The following RAB3C variants were observed in gnomAD, a reference collection of about 807,000 sequenced individuals.
RAB3C encodes the protein RAB3C, member RAS oncogene family.
RAB3C carries 17 observed loss-of-function variants against 26.4 expected under a neutral mutation model. The ratio of observed to expected loss-of-function variants is 0.64; its 90% CI spans 0.44 to 0.97. RAB3C has a LOEUF of 0.97. Ranked by LOEUF, RAB3C falls within the 50% of genes least tolerant of loss-of-function variation. The probability of loss-of-function intolerance (pLI) is 0.00; values close to 1 mark genes in which losing one functional copy is unlikely to be tolerated. For synonymous variants in RAB3C, 91 were observed against 95.9 expected (o/e 0.95, Z 0.30); for missense variants, 242 against 281.9 (o/e 0.86, Z 1.01).
At chr5:58,623,267 A>G (rs1746972939) in intron 2 of RAB3C, among the ~76,000 whole-genome samples, 1 of 152,248 alleles carries the variant, frequency 6.6e-6, no homozygotes, top group Admixed American at 6.5e-5. Context: ...GTCTAATGGC[A>G]TAAATACCTA....
At chr5:58,661,317 G>A (rs934181275) in intron 2 of RAB3C, among the ~76,000 whole-genome samples, 3 of 149,930 alleles carry the variant, frequency 2.0e-5, no homozygotes, top group East Asian at 1.9e-4. Context: ...ATCATGTGCC[G>A]ATATCTTTTT....
intron 2 of RAB3C, among the ~76,000 whole-genome samples, chr5:58,653,219 G>T (rs1358912376): frequency 6.6e-6 from 1 of 151,966 alleles, no homozygotes; most frequent in African/African-American, 2.4e-5. Flanking sequence ...GTGAGAACAT[G>T]CAGTGTTTGG....
chr5:58,769,927 C>G (rs1002109323), intron 3 of RAB3C, among the ~76,000 whole-genome samples: 25 of 152,162 alleles, frequency 1.6e-4, no homozygotes, highest in African/African-American at 6.0e-4. Flanking sequence ...AATCACATTC[C>G]ATGGGAATAA....
chr5:58,628,925 A>T (rs567290937), intron 2 of RAB3C, among the ~76,000 whole-genome samples: 1 of 148,364 alleles, frequency 6.7e-6, no homozygotes, highest in South Asian at 2.2e-4. Flanking sequence ...ATGGTGGCTC[A>T]TGCCTGTAAT....
chr5:58,601,629 G>C (rs961153248), intron 1 of RAB3C, among the ~76,000 whole-genome samples: 1 of 152,016 alleles, frequency 6.6e-6, no homozygotes, highest in African/African-American at 2.4e-5. Flanking sequence ...CAGTTTACGT[G>C]CATAAAGGTG....
intron 2 of RAB3C, among the ~76,000 whole-genome samples, chr5:58,631,269 T>C (rs1747179290): frequency 6.6e-6 from 1 of 152,102 alleles, no homozygotes; most frequent in African/African-American, 2.4e-5. Context: ...TCCTCCTTCC[T>C]CCATCCTCCA....
chr5:58,737,425 AT>A lies in RAB3C; in HGVS notation c.371+11306del, dbSNP rs1561305169. Among the ~76,000 whole-genome samples the A allele has an allele frequency of 6.4e-3, 713 of 111,418 alleles. 34 individuals are homozygous for A. The highest frequency in any genetic ancestry group is 0.014 in the African/African-American group (419 of 29,960). The allele number at this position is 111,418 out of a possible 152,430, so 73.1% of individuals were successfully genotyped here. Reference sequence around the variant, plus strand: ...TATATATATATATATATATATATATATATATATATATATATATATATATAAT... The same window carrying A: ...TATATATATATATATATATATATATAATATATATATATATATATATATAAT... On this transcript the variant is annotated intron_variant, in intron 3 of 4. Transcript: ENST00000282878.
chr5:58,587,304 A>G (rs769696111), intron 1 of RAB3C, among the ~76,000 whole-genome samples: 7 of 152,182 alleles, frequency 4.6e-5, no homozygotes, highest in African/African-American at 7.2e-5. Flanking sequence ...GCTGAGGAAT[A>G]GGTTTTCTTG....
At chr5:58,825,232 G>C in intron 4 of RAB3C, 70 bp downstream of exon 4, 1 of 1,423,742 alleles carries the variant, frequency 7.0e-7, no homozygotes, top group Non-Finnish European at 9.3e-7. Context: ...TACAGAGTCC[G>C]AGCTAATTGT....
At chr5:58,740,596 T>A (rs1355973027) in intron 3 of RAB3C, among the ~76,000 whole-genome samples, 1 of 152,068 alleles carries the variant, frequency 6.6e-6, no homozygotes, top group Non-Finnish European at 1.5e-5. Context: ...CTGAGGTGGG[T>A]GGATCACGAG....
At chr5:58,790,483 T>C (rs193204057) in intron 3 of RAB3C, among the ~76,000 whole-genome samples, 8 of 152,326 alleles carry the variant, frequency 5.3e-5, no homozygotes, top group Admixed American at 5.2e-4. Flanking sequence ...TGAGCCTTAT[T>C]GTCCATAAGA....
At chr5:58,676,062 C>T (rs1328815015) in intron 2 of RAB3C, among the ~76,000 whole-genome samples, 1 of 152,044 alleles carries the variant, frequency 6.6e-6, no homozygotes, top group Non-Finnish European at 1.5e-5. Context: ...AGACTCATTT[C>T]GAAGAAAAAG....
At chr5:58,596,198 C>A (rs1396687281) in intron 1 of RAB3C, among the ~76,000 whole-genome samples, 2 of 152,018 alleles carry the variant, frequency 1.3e-5, no homozygotes, top group Non-Finnish European at 2.9e-5. Context: ...GTAACCCTAC[C>A]CATACCCTAT....
chr5:58,799,081 G>A (rs1016278550), intron 3 of RAB3C, among the ~76,000 whole-genome samples: 2 of 152,072 alleles, frequency 1.3e-5, no homozygotes, highest in East Asian at 3.9e-4. Flanking sequence ...TTTGAATATG[G>A]GGTACATATT....
chr5:58,698,433 G>A (rs1748765747), intron 2 of RAB3C, among the ~76,000 whole-genome samples: 1 of 152,114 alleles, frequency 6.6e-6, no homozygotes, highest in Admixed American at 6.5e-5. Flanking sequence ...GAGTATCTTT[G>A]TGGTGTTCAC....
intron 3 of RAB3C, among the ~76,000 whole-genome samples, chr5:58,748,167 T>C (rs1013192145): frequency 2.7e-5 from 4 of 149,174 alleles, no homozygotes; most frequent in African/African-American, 9.9e-5. Context: ...CATTCCACAT[T>C]ACCCAGAAAG....
chr5:58,844,589 C>T (rs1413260182), intron 4 of RAB3C, among the ~76,000 whole-genome samples: 1 of 152,298 alleles, frequency 6.6e-6, no homozygotes, highest in Non-Finnish European at 1.5e-5. Context: ...GTCACCCACC[C>T]GGTAGCAGAA....
intron 2 of RAB3C, among the ~76,000 whole-genome samples, chr5:58,718,659 G>T (rs1345162136): frequency 6.6e-6 from 1 of 152,034 alleles, no homozygotes; most frequent in Non-Finnish European, 1.5e-5. Flanking sequence ...GGTATGAAAA[G>T]GTTGGATAAA....
At chr5:58,596,714 T>C (rs61183774) in intron 1 of RAB3C, among the ~76,000 whole-genome samples, 1 of 39,650 alleles carries the variant, frequency 2.5e-5, no homozygotes, top group Non-Finnish European at 5.2e-5. Context: ...TATATAAATA[T>C]ATAATATATA....
Sources: gnomAD v4.1 joint callset for allele counts (sites outside exome capture counted in the v4.1 genomes callset) on GRCh38, gnomAD v4.1.1 for gene constraint, MANE v1.5 for transcripts, NCBI Gene and HGNC (gene_info 2026-07-23, HGNC 2026-07-21) for gene names.